TAF1A: variants seen among roughly 807,000 people sequenced by gnomAD.
The protein encoded by TAF1A is TATA-box binding protein associated factor, RNA polymerase I subunit A.
In TAF1A, 42 loss-of-function variants were observed where a neutral mutation model predicts 61.6. The observed-to-expected ratio is 0.68, with a 90% CI of 0.53 to 0.88. The LOEUF (loss-of-function observed/expected upper bound fraction) is 0.88, where lower values mean the gene tolerates loss of function less well. TAF1A is among the 40% of genes least tolerant of loss of function. The pLI is 0.00. For synonymous variants in TAF1A, 179 were observed against 177.7 expected (o/e 1.01, Z -0.06); for missense variants, 424 against 518.7 (o/e 0.82, Z 1.77).
downstream of TAF1A, among the ~76,000 whole-genome samples, chr1:222,556,556 G>A (rs1299268436): frequency 6.6e-6 from 1 of 152,148 alleles, no homozygotes. Context: ...ATAGGACTGT[G>A]GTGGTTTTAC....
intron 7 of TAF1A, among the ~76,000 whole-genome samples, chr1:222,568,256 A>G (rs1039517111): frequency 6.6e-6 from 1 of 152,076 alleles, no homozygotes; most frequent in African/African-American, 2.4e-5. Flanking sequence ...ACTAACCATA[A>G]AAGAAAAAAA....
Position 222,584,229 on chromosome 1 carries a change from C to G in TAF1A, c.190G>C (p.Ala64Pro). 19 of 1,612,608 alleles carry G rather than the reference C, an allele frequency of 1.2e-5. No individual in the cohort carries two copies. Among genetic ancestry groups the G allele is most frequent in the Non-Finnish European group, 1.6e-5 (19 of 1,179,568 alleles). The change falls in exon 3 of 11, where the codon GCT becomes CCT. Residue 64 changes from alanine to proline, a missense_variant. Ala to Pro is a conservative substitution (Grantham distance 27). Transcript: ENST00000352967. ...TGCTGCCATTGGTGCTTCAGCAGAG[C>G]TTCTTGGATAAAACTTAAACAAGCA... ...TSACLSFIQE[A>P]LLKHQWQQAA...
At chr1:222,589,288 C>T (rs1661154997) in intron 1 of TAF1A, among the ~76,000 whole-genome samples, 1 of 152,154 alleles carries the variant, frequency 6.6e-6, no homozygotes, top group Non-Finnish European at 1.5e-5. Context: ...CAAATTTCCC[C>T]TATTTCCCCT....
intron 10 of TAF1A, among the ~76,000 whole-genome samples, chr1:222,560,799 C>G (rs1344180056): frequency 2.0e-5 from 3 of 152,146 alleles, no homozygotes; most frequent in African/African-American, 7.2e-5. Context: ...CATTTCGGTA[C>G]TGGCCACCTT....
intron 5 of TAF1A, among the ~76,000 whole-genome samples, chr1:222,571,288 TAA>T (rs1660340191): frequency 6.6e-6 from 1 of 152,138 alleles, no homozygotes; most frequent in South Asian, 2.1e-4. Flanking sequence ...AACTGAATGA[TAA>T]AAGACTGCAT....
chr1:222,574,870 G>A (rs1276066498), intron 5 of TAF1A, among the ~76,000 whole-genome samples: 2 of 152,132 alleles, frequency 1.3e-5, no homozygotes, highest in Non-Finnish European at 2.9e-5. Context: ...GGATTTTCTT[G>A]AGAGAGAATG....
chr1:222,573,154 A>G (rs1660428960), intron 5 of TAF1A, among the ~76,000 whole-genome samples: 1 of 152,078 alleles, frequency 6.6e-6, no homozygotes, highest in Non-Finnish European at 1.5e-5. Context: ...CTCTAATCCC[A>G]CCTACTCGGG....
chr1:222,588,478 T>C lies in TAF1A; in HGVS notation c.86A>G (p.His29Arg). Residue 29 changes from histidine (H) to arginine (R), a missense_variant, in exon 2 of 11, where the codon CAT becomes CGT. By Grantham distance (29) the His-to-Arg change is conservative (BLOSUM62 0). Coordinates refer to ENST00000352967, the MANE Select transcript of TAF1A (RefSeq NM_005681.4). ...ETSVLSGAGMHFPWLQTYVET... is the reference protein window; with the variant it reads ...ETSVLSGAGMRFPWLQTYVET... ...TACGTATGTTTGAAGCCAAGGAAAA[T>C]GCATTCCTGCACCACTGAGCACAGA... 1.9e-6 allele frequency: 3 copies of C among 1,613,964 alleles called. No individual in the cohort carries two copies. Among genetic ancestry groups the C allele is most frequent in the Non-Finnish European group, 2.5e-6 (3 of 1,179,968 alleles).
At chr1:222,587,809 T>C (rs527529464) in intron 2 of TAF1A, among the ~76,000 whole-genome samples, 3 of 152,208 alleles carry the variant, frequency 2.0e-5, no homozygotes, top group African/African-American at 7.2e-5. Flanking sequence ...CCCACCACTT[T>C]GGGAGGCTGA....
chr1:222,588,469 C>A lies in TAF1A; in HGVS notation c.95G>T (p.Trp32Leu). ...VLSGAGMHFP[W>L]LQTYVETVAI... ...CACAGTTTCTACGTATGTTTGAAGC[C>A]AAGGAAAATGCATTCCTGCACCACT... The change falls in exon 2 of 11, where the codon TGG becomes TTG. Residue 32 changes from tryptophan (W) to leucine (L), a missense_variant. Physicochemically the swap from Trp to Leu is moderately conservative, Grantham distance 61 (BLOSUM62 -2). Coordinates refer to ENST00000352967, the MANE Select transcript of TAF1A (RefSeq NM_005681.4). 7 of 1,613,652 alleles carry A rather than the reference C, an allele frequency of 4.3e-6. No homozygotes were observed. Among genetic ancestry groups the A allele is most frequent in the Non-Finnish European group, 5.9e-6 (7 of 1,179,878 alleles).
At position 222,588,584 on chromosome 1, in the gene TAF1A, TCA is replaced by T. The variant is rs1558157524; in HGVS notation, c.-2-21_-2-20del. 1.2e-6 allele frequency: 2 copies of T among 1,610,622 alleles called. No individual in the cohort carries two copies. Among genetic ancestry groups the T allele is most frequent in the Non-Finnish European group, 1.7e-6 (2 of 1,178,938 alleles). On this transcript the variant is annotated intron_variant, in intron 1 of 10. Coordinates refer to ENST00000352967, the MANE Select transcript of TAF1A (RefSeq NM_005681.4). Reference sequence around the variant, plus strand: ...CTCATACCTATTACAAGATGAGATATCAGTTACTTTCTGTACATCTTAATCCA... The same window carrying T: ...CTCATACCTATTACAAGATGAGATATGTTACTTTCTGTACATCTTAATCCA...
chr1:222,588,047 C>CA (rs35158634), intron 2 of TAF1A, among the ~76,000 whole-genome samples: 17,366 of 133,870 alleles, frequency 0.13, 1,057 homozygotes, highest in East Asian at 0.16. Flanking sequence ...GACTCTGTCT[C>CA]AAAAAAAAAA....
intron 7 of TAF1A, chr1:222,569,229 C>A: frequency 8.1e-7 from 1 of 1,232,236 alleles, no homozygotes; most frequent in South Asian, 1.9e-5. Context: ...AACTAAATTT[C>A]AATAAAGTTG....
chr1:222,574,121 G>C (rs1469176398), intron 5 of TAF1A, among the ~76,000 whole-genome samples: 1 of 152,142 alleles, frequency 6.6e-6, no homozygotes, highest in Non-Finnish European at 1.5e-5. Context: ...GGGGTGGGGA[G>C]AAATGGGAGA....
At chr1:222,559,966 T>G (rs1287456276) in intron 10 of TAF1A, among the ~76,000 whole-genome samples, 3 of 152,214 alleles carry the variant, frequency 2.0e-5, no homozygotes, top group Non-Finnish European at 4.4e-5. Flanking sequence ...GGAAAGAATT[T>G]CGTTCCCACC....
At chr1:222,571,243 A>T (rs892544806) in intron 5 of TAF1A, among the ~76,000 whole-genome samples, 4 of 152,304 alleles carry the variant, frequency 2.6e-5, no homozygotes, top group African/African-American at 9.6e-5. Flanking sequence ...TCAATCTGAT[A>T]AAGGGCATCT....
At chr1:222,571,236 A>G (rs539765960) in intron 5 of TAF1A, among the ~76,000 whole-genome samples, 11 of 152,310 alleles carry the variant, frequency 7.2e-5, no homozygotes, top group Non-Finnish European at 1.5e-4. Context: ...AACTTCCTCA[A>G]TCTGATAAAG....
chr1:222,579,655 T>C (rs1660705985), intron 4 of TAF1A, 104 bp downstream of exon 4: 3 of 1,358,988 alleles, frequency 2.2e-6, no homozygotes, highest in East Asian at 2.4e-5. Context: ...GAATGTCTTA[T>C]CCTTGTCCCA....
chr1:222,569,620 T>G lies in TAF1A; in HGVS notation c.784A>C (p.Asn262His). ...DRDGAQEVLT[N>H]YAYDEKFPSN... ...GGAAACTTTTCATCATATGCATAAT[T>G]GGTGAGTACCTCTTGGGCTCCATCT... Residue 262 changes from asparagine to histidine, a missense_variant, in exon 7 of 11, where the codon AAT becomes CAT. Asn to His is a moderately conservative substitution (Grantham distance 68). Coordinates refer to ENST00000352967, the MANE Select transcript of TAF1A (RefSeq NM_005681.4). The G allele has an allele frequency of 6.2e-7, 1 of 1,614,038 alleles. No homozygotes were observed. Among genetic ancestry groups the G allele is most frequent in the African/African-American group, 1.3e-5 (1 of 75,054 alleles).
Sources: gnomAD v4.1 joint callset for allele counts (sites outside exome capture counted in the v4.1 genomes callset) on GRCh38, gnomAD v4.1.1 for gene constraint, MANE v1.5 for transcripts, NCBI Gene and HGNC (gene_info 2026-07-23, HGNC 2026-07-21) for gene names.